Variants in DYDC1 observed in about 807,000 individuals in gnomAD.
DYDC1 encodes the protein DPY30 domain-containing protein 1.
Under a neutral mutation model 27.9 loss-of-function variants are expected in DYDC1, and 21 were observed. The observed-to-expected ratio is 0.75, with a 90% CI of 0.53 to 1.08. DYDC1 has a LOEUF of 1.08. Among genes scored for constraint, DYDC1 ranks in the 50% least tolerant of loss-of-function variants. DYDC1 has a pLI of 0.00. For synonymous variants in DYDC1, 67 were observed against 65.8 expected (o/e 1.02, Z -0.09); for missense variants, 202 against 205.9 (o/e 0.98, Z 0.12).
intron 3 of DYDC1, among the ~76,000 whole-genome samples, chr10:80,347,369 T>C (rs897540962): frequency 2.7e-5 from 4 of 148,308 alleles, no homozygotes; most frequent in Non-Finnish European, 5.9e-5. Context: ...TTATCAGATA[T>C]ATGGTTCACA....
chr10:80,345,073 GC>G (rs1431456440), intron 3 of DYDC1, among the ~76,000 whole-genome samples: 1 of 151,966 alleles, frequency 6.6e-6, no homozygotes, highest in Non-Finnish European at 1.5e-5. Flanking sequence ...AGTGTTTAAA[GC>G]CGGGAAGTGT....
intron 1 of DYDC1, chr10:80,356,414 G>A: frequency 2.0e-6 from 2 of 985,566 alleles, no homozygotes; most frequent in Non-Finnish European, 2.4e-6. Context: ...CCGGGCAGGG[G>A]TGCCAGATAC....
intron 3 of DYDC1, among the ~76,000 whole-genome samples, chr10:80,344,532 A>C (rs1446964871): frequency 6.6e-6 from 1 of 152,176 alleles, no homozygotes; most frequent in Non-Finnish European, 1.5e-5. Context: ...CTCTATGAAT[A>C]GTCTTTGATA....
rs147154817 is a variant in DYDC1 at position 80,343,219 on chromosome 10, C to T, written c.250-858G>A. On this transcript the variant is annotated intron_variant, in intron 3 of 6. Transcript: ENST00000372202. ...AATAATATTTCATGACATAGGAAAA[C>T]GGTATGAAATGTAAATTTCAGCATC... 1.4e-4 allele frequency among the ~76,000 whole-genome samples: 22 copies of T among 152,062 alleles called. No individual in the cohort carries two copies. In the East Asian group the frequency reaches 2.7e-3, roughly 19 times the overall value.
intron 6 of DYDC1, chr10:80,337,085 A>G (rs141858686): frequency 2.1e-6 from 2 of 973,412 alleles, no homozygotes; most frequent in East Asian, 1.1e-4. Context: ...AGCTCCATGG[A>G]CGTTAGCCAT....
intron 3 of DYDC1, among the ~76,000 whole-genome samples, chr10:80,349,041 A>T (rs1022073325): frequency 3.9e-5 from 6 of 151,952 alleles, no homozygotes; most frequent in Non-Finnish European, 8.8e-5. Flanking sequence ...ACAGGAGCCC[A>T]CCACCACGCC....
intron 6 of DYDC1, 115 bp downstream of exon 6, chr10:80,338,352 G>T (rs1589496511): frequency 3.5e-6 from 5 of 1,420,044 alleles, no homozygotes; most frequent in Middle Eastern, 1.8e-4. Context: ...GAAGCAAAAG[G>T]CCTATTTGCC....
At chr10:80,352,724 C>T (rs1843078710) in intron 1 of DYDC1, 114 bp from the exon 2 acceptor site, 1 of 1,292,756 alleles carries the variant, frequency 7.7e-7, no homozygotes, top group South Asian at 2.5e-5. Flanking sequence ...CAGTCATGGA[C>T]ACCTCCCATT....
intron 3 of DYDC1, among the ~76,000 whole-genome samples, chr10:80,345,996 C>T (rs1377991184): frequency 6.6e-6 from 1 of 152,140 alleles, no homozygotes; most frequent in African/African-American, 2.4e-5. Context: ...TGCATGCCAT[C>T]ATCATCATGC....
In DYDC1 at chr10:80,354,131, T is replaced by A. The variant is rs369191797; in HGVS notation, c.-9-1521A>T. ...ACTCTGTCTCATATATAAAAAAAAA[T>A]ATATATATATATATTTTTTCCTGAG... On this transcript the variant is annotated intron_variant, in intron 1 of 6. Coordinates refer to ENST00000372202, the MANE Select transcript of DYDC1 (RefSeq NM_001269053.2). Among the ~76,000 whole-genome samples, 602 of 129,458 alleles carry A rather than the reference T, an allele frequency of 4.7e-3. 3 individuals are homozygous for A. The highest frequency in any genetic ancestry group is 8.0e-3 in the Non-Finnish European group (459 of 57,488). 84.9% of individuals were successfully genotyped at this position (129,458 alleles called of 152,430 possible).
At chr10:80,351,112 A>G (rs894632967) in intron 3 of DYDC1, among the ~76,000 whole-genome samples, 2 of 152,168 alleles carry the variant, frequency 1.3e-5, no homozygotes, top group African/African-American at 4.8e-5. Flanking sequence ...TGTCATTTCT[A>G]ACTTCACCAC....
intron 4 of DYDC1, 114 bp from the exon 5 acceptor site, chr10:80,339,267 G>A: frequency 2.4e-6 from 1 of 414,002 alleles, no homozygotes; most frequent in East Asian, 4.1e-5. Flanking sequence ...AAGCAAAAAT[G>A]CTGTCACTCT....
intron 3 of DYDC1, among the ~76,000 whole-genome samples, chr10:80,350,013 C>G (rs1050756385): frequency 1.3e-5 from 2 of 152,198 alleles, no homozygotes; most frequent in African/African-American, 4.8e-5. Context: ...CAACCTCCAG[C>G]TTACATGACT....
At chr10:80,340,120 T>C (rs758215389) in intron 4 of DYDC1, among the ~76,000 whole-genome samples, 2 of 152,122 alleles carry the variant, frequency 1.3e-5, no homozygotes, top group Admixed American at 6.6e-5. Flanking sequence ...AAGCAGCCCA[T>C]AGTGAAAGAG....
chr10:80,348,683 C>T (rs1842805831), intron 3 of DYDC1, among the ~76,000 whole-genome samples: 1 of 152,158 alleles, frequency 6.6e-6, no homozygotes, highest in Non-Finnish European at 1.5e-5. Flanking sequence ...CATCAACCTT[C>T]AGTTGGAAGT....
At chr10:80,345,725 T>C (rs940686037) in intron 3 of DYDC1, among the ~76,000 whole-genome samples, 2 of 152,188 alleles carry the variant, frequency 1.3e-5, no homozygotes, top group Non-Finnish European at 2.9e-5. Context: ...TAACATCATG[T>C]CCTTCAGTTT....
chr10:80,342,484 C>T, intron 3 of DYDC1, 123 bp from the exon 4 acceptor site: 1 of 786,038 alleles, frequency 1.3e-6, no homozygotes, highest in Non-Finnish European at 1.9e-6. Flanking sequence ...TTAGTTTCTA[C>T]AAATGCTTCC....
At chr10:80,352,992 C>T (rs375735469) in intron 1 of DYDC1, among the ~76,000 whole-genome samples, 1 of 151,584 alleles carries the variant, frequency 6.6e-6, no homozygotes, top group African/African-American at 2.4e-5. Flanking sequence ...GCACAGACAG[C>T]GTAAGTGCAC....
rs558935490 is a variant in DYDC1 at position 80,338,467 on chromosome 10, A to T, written c.504T>A (p.Asp168Glu). The T allele has an allele frequency of 1.3e-5, 21 of 1,612,688 alleles. No individual in the cohort carries two copies. In the South Asian group the frequency reaches 2.2e-4, roughly 17 times the overall value. ...TTTCACAAAACACACTGATACTGAC[A>T]TCAGAAAACATTGGTTCATCAAGTT... ...VEELDEPMFS[D>E]IALNIDQDL The change falls in exon 6 of 7, where the codon GAT becomes GAA. Residue 168 changes from aspartate to glutamate, a missense_variant and splice_region_variant. Physicochemically the swap from Asp to Glu is conservative, Grantham distance 45. Coordinates refer to ENST00000372202, the MANE Select transcript of DYDC1 (RefSeq NM_001269053.2).
Sources: allele counts gnomAD v4.1 joint callset (sites outside exome capture counted in the v4.1 genomes callset), GRCh38; gene constraint gnomAD v4.1.1; transcripts MANE v1.5; gene names NCBI Gene and HGNC (gene_info 2026-07-23, HGNC 2026-07-21).